Variants in GXYLT2 observed in about 807,000 individuals in gnomAD.
The protein encoded by GXYLT2 is glucoside xylosyltransferase 2.
In GXYLT2, 53 loss-of-function variants were observed where a neutral mutation model predicts 45.8. The observed-to-expected ratio is 1.16, with a 90% CI of 0.93 to 1.46. The LOEUF is 1.46. GXYLT2 is among the 40% of genes most tolerant of loss of function. The pLI, the probability that GXYLT2 is intolerant of heterozygous loss-of-function variation, is 0.00. For synonymous variants in GXYLT2, 219 were observed against 214.2 expected, an observed-to-expected ratio of 1.02 and a Z score of -0.19; for missense variants, 551 against 544.4, an observed-to-expected ratio of 1.01 and a Z score of -0.12.
intron 3 of GXYLT2, among the ~76,000 whole-genome samples, chr3:72,951,174 A>T (rs1440936788): frequency 6.6e-6 from 1 of 150,628 alleles, no homozygotes; most frequent in Non-Finnish European, 1.5e-5. Flanking sequence ...CTAGAGATGC[A>T]ATGTTATCAA....
Position 72,967,583 on chromosome 3 carries a change from G to A in GXYLT2, c.1013G>A (p.Arg338His), listed in dbSNP as rs762698184. 4.3e-6 allele frequency: 7 copies of A among 1,613,764 alleles called. No homozygotes were observed. The highest frequency in any genetic ancestry group is 2.7e-5 in the African/African-American group (2 of 75,014). The change falls in exon 6 of 7, where the codon CGT becomes CAT. Residue 338 changes from arginine to histidine, a missense_variant. Transcript: ENST00000389617. ...GTATTCCCCTGCCAGTGGAACTACC[G>A]TCCCGATCACTGCATGTACGGAAGC... ...LYVFPCQWNY[R>H]PDHCMYGSNC... is the part of the protein sequence containing the mutation.
chr3:72,932,365 A>T (rs2107115175), intron 3 of GXYLT2, among the ~76,000 whole-genome samples: 1 of 152,328 alleles, frequency 6.6e-6, no homozygotes, highest in Non-Finnish European at 1.5e-5. Context: ...GCCCACTTTA[A>T]TAGTGTCATT....
chr3:72,888,136 G>A lies in GXYLT2; in HGVS notation c.-98G>A, dbSNP rs1490094757. The A allele has an allele frequency of 3.5e-6, 3 of 854,732 alleles. No homozygotes were observed. The highest frequency in any genetic ancestry group is 1.2e-4 in the East Asian group (1 of 8,004). The allele number at this position is 854,732 out of a possible 1,614,324, so 52.9% of individuals were successfully genotyped here. A position where few individuals can be genotyped will look rare whatever the true frequency, so the allele number is the denominator to read the frequency against. On this transcript the variant is annotated 5_prime_UTR_variant, in exon 1 of 7. Transcript: ENST00000389617. Reference sequence around the variant, plus strand: ...CCCAGTCCCCGGCGGGCGGGCGGAGGAGGCGACCGCCGCGCGCTGCTGCAC... The same window carrying A: ...CCCAGTCCCCGGCGGGCGGGCGGAGAAGGCGACCGCCGCGCGCTGCTGCAC...
chr3:72,912,439 A>T (rs950010838), intron 2 of GXYLT2, among the ~76,000 whole-genome samples: 1 of 152,080 alleles, frequency 6.6e-6, no homozygotes, highest in Non-Finnish European at 1.5e-5. Context: ...ACATGCCACC[A>T]TGCCTTGCCT....
intron 5 of GXYLT2, among the ~76,000 whole-genome samples, chr3:72,957,775 T>A (rs1710677998): frequency 6.6e-6 from 1 of 152,052 alleles, no homozygotes; most frequent in African/African-American, 2.4e-5. Flanking sequence ...GGTCAAAACA[T>A]CCTAGAAAAA....
At position 72,893,406 on chromosome 3, in the gene GXYLT2, T is replaced by C. The variant is rs146984885; in HGVS notation, c.275+4898T>C. On this transcript the variant is annotated intron_variant, in intron 1 of 6. Coordinates refer to ENST00000389617, the MANE Select transcript of GXYLT2 (RefSeq NM_001080393.2). ...TTTTTTTCAGGACTATGCTCAAATGTTTTCTCCTGAGAGGGGTCCTGCTAG... is the reference window on the plus strand; with the variant it reads ...TTTTTTTCAGGACTATGCTCAAATGCTTTCTCCTGAGAGGGGTCCTGCTAG... 5.5e-3 allele frequency among the ~76,000 whole-genome samples: 835 copies of C among 152,296 alleles called. 9 individuals are homozygous for C. The highest frequency in any genetic ancestry group is 0.019 in the African/African-American group (793 of 41,558).
intron 4 of GXYLT2, 75 bp from the exon 5 acceptor site, chr3:72,957,154 C>T: frequency 7.0e-7 from 1 of 1,432,406 alleles, no homozygotes; most frequent in Non-Finnish European, 9.4e-7. Context: ...GAAAACTAGT[C>T]CCTTTACATT....
chr3:72,914,527 ATGTGTGTG>A (rs141322523), intron 2 of GXYLT2, among the ~76,000 whole-genome samples: 12 of 149,822 alleles, frequency 8.0e-5, no homozygotes, highest in African/African-American at 2.0e-4. Flanking sequence ...TTACATATAT[ATGTGTGTG>A]TGTGTGTGTG....
At chr3:72,962,483 G>A (rs528217505) in intron 5 of GXYLT2, among the ~76,000 whole-genome samples, 1 of 152,270 alleles carries the variant, frequency 6.6e-6, no homozygotes, top group African/African-American at 2.4e-5. Context: ...AAGAGCCACA[G>A]CAAGGAAAAT....
chr3:72,890,863 G>A (rs1709170215), intron 1 of GXYLT2, among the ~76,000 whole-genome samples: 1 of 152,052 alleles, frequency 6.6e-6, no homozygotes, highest in Non-Finnish European at 1.5e-5. Context: ...AACACCATAG[G>A]AATACAGAAC....
chr3:72,929,218 A>G (rs1353880603), intron 3 of GXYLT2: 17 of 1,577,744 alleles, frequency 1.1e-5, no homozygotes, highest in Admixed American at 1.7e-5. Flanking sequence ...TTCTTCACCA[A>G]TCTCATGAGG....
chr3:72,956,003 G>T (rs760374418), intron 4 of GXYLT2, among the ~76,000 whole-genome samples: 9 of 152,138 alleles, frequency 5.9e-5, no homozygotes, highest in Non-Finnish European at 1.2e-4. Context: ...GTGTGAACCC[G>T]AACAGCAGAG....
chr3:72,912,378 G>A (rs112439183), intron 2 of GXYLT2, among the ~76,000 whole-genome samples: 2 of 151,954 alleles, frequency 1.3e-5, no homozygotes, highest in Non-Finnish European at 2.9e-5. Context: ...TTGAACTCTG[G>A]GCTCAAGTGA....
chr3:72,903,584 T>C (rs781732649), intron 1 of GXYLT2, among the ~76,000 whole-genome samples: 10 of 151,856 alleles, frequency 6.6e-5, no homozygotes, highest in Non-Finnish European at 1.3e-4. Context: ...GAGTTGGGAG[T>C]CTGCAAAATA....
At chr3:72,951,820 A>G (rs556512259) in intron 3 of GXYLT2, among the ~76,000 whole-genome samples, 1 of 151,488 alleles carries the variant, frequency 6.6e-6, no homozygotes, top group African/African-American at 2.4e-5. Context: ...TGTTTTGTTT[A>G]TTTTTTTGTT....
intron 5 of GXYLT2, among the ~76,000 whole-genome samples, chr3:72,963,074 G>C (rs1021838105): frequency 3.9e-5 from 6 of 152,112 alleles, no homozygotes; most frequent in Non-Finnish European, 7.3e-5. Flanking sequence ...CGCTTTAGGA[G>C]GCTGAGCAGG....
At chr3:72,950,473 A>G (rs939087789) in intron 3 of GXYLT2, among the ~76,000 whole-genome samples, 2 of 151,962 alleles carry the variant, frequency 1.3e-5, no homozygotes, top group Admixed American at 1.3e-4. Context: ...AAAAAGAAAA[A>G]AGAAAAAATT....
chr3:72,901,023 T>G (rs1006086642), intron 1 of GXYLT2, among the ~76,000 whole-genome samples: 2 of 151,808 alleles, frequency 1.3e-5, no homozygotes, highest in Non-Finnish European at 2.9e-5. Flanking sequence ...GTATGGTGGC[T>G]CACCCCTGTA....
chr3:72,925,831 C>A (rs972701756), intron 3 of GXYLT2, among the ~76,000 whole-genome samples: 1 of 152,096 alleles, frequency 6.6e-6, no homozygotes, highest in East Asian at 1.9e-4. Flanking sequence ...TTTTGAATGA[C>A]AAATGGGTGC....
Sources: gnomAD v4.1 joint callset for allele counts (sites outside exome capture counted in the v4.1 genomes callset) on GRCh38, gnomAD v4.1.1 for gene constraint, MANE v1.5 for transcripts, NCBI Gene and HGNC (gene_info 2026-07-23, HGNC 2026-07-21) for gene names.